Variants in TNFSF10 observed in about 807,000 individuals in gnomAD.
TNFSF10 encodes the protein tumor necrosis factor ligand superfamily member 10.
A neutral mutation model predicts 29.5 loss-of-function variants in TNFSF10; 13 were observed. That is an observed-to-expected ratio of 0.44 (90% confidence interval 0.29 to 0.70). The LOEUF is 0.70. TNFSF10 is among the 30% of genes least tolerant of loss of function. The probability of loss-of-function intolerance (pLI) is 0.13; values close to 1 mark genes in which losing one functional copy is unlikely to be tolerated. For missense variants in TNFSF10, 345 were observed against 330.9 expected (o/e 1.04, Z -0.33); for synonymous variants, 111 against 112.8 (o/e 0.98, Z 0.10).
rs56119116 is a variant in TNFSF10 at position 172,506,825 on chromosome 3, A to G, written c.513T>C (p.Asn171=). The part of the protein sequence containing the change: ...HSFLSNLHLR[N]GELVIHEKGF... ...CTTTTTCATGGATGACCAGTTCACC[A>G]TTCCTCAAGTGCAAGTTGCTCAGGA... The change falls in exon 5 of 5, where the codon AAT becomes AAC. Residue 171 remains asparagine, a synonymous_variant. Transcript: ENST00000241261. 8,621 of 1,614,204 alleles carry G rather than the reference A, an allele frequency of 5.3e-3. 44 individuals carry two copies. Among genetic ancestry groups the G allele is most frequent in the Non-Finnish European group, 6.6e-3 (7,818 of 1,180,036 alleles).
intron 1 of TNFSF10, among the ~76,000 whole-genome samples, chr3:172,520,251 G>T (rs888940024): frequency 2.6e-5 from 4 of 152,116 alleles, no homozygotes; most frequent in Admixed American, 6.5e-5. Flanking sequence ...TGTTTGTTTT[G>T]TCTGTCAAAG....
At chr3:172,518,500 C>A (rs755801728) in intron 1 of TNFSF10, 1 of 1,275,250 alleles carries the variant, frequency 7.8e-7, no homozygotes. Context: ...TATGGAGATC[C>A]GTGGAGAGGA....
At chr3:172,517,746 G>A (rs2108449210) in intron 1 of TNFSF10, 1 of 983,978 alleles carries the variant, frequency 1.0e-6, no homozygotes, top group Non-Finnish European at 1.2e-6. Context: ...TGGATAGCAT[G>A]GATATTTTTA....
At chr3:172,507,107 T>A (rs1259596330) in intron 4 of TNFSF10, among the ~76,000 whole-genome samples, 188 bp from the exon 5 acceptor site, 1 of 152,044 alleles carries the variant, frequency 6.6e-6, no homozygotes, top group Non-Finnish European at 1.5e-5. Flanking sequence ...AATTGGGAGG[T>A]TCCTGCATCA....
At chr3:172,521,473 G>C (rs1427124454) in intron 1 of TNFSF10, among the ~76,000 whole-genome samples, 1 of 152,194 alleles carries the variant, frequency 6.6e-6, no homozygotes, top group Non-Finnish European at 1.5e-5. Flanking sequence ...CTGGTCATTA[G>C]AGAAATGCAA....
intron 3 of TNFSF10, 43 bp from the exon 4 acceptor site, chr3:172,509,364 A>T (rs951393682): frequency 6.6e-7 from 1 of 1,517,778 alleles, no homozygotes; most frequent in Non-Finnish European, 9.1e-7. Flanking sequence ...TTGCCAAACT[A>T]GTTCTCCAAT....
At chr3:172,516,627 T>C (rs1481163424) in intron 1 of TNFSF10, among the ~76,000 whole-genome samples, 1 of 152,218 alleles carries the variant, frequency 6.6e-6, no homozygotes, top group East Asian at 1.9e-4. Flanking sequence ...CTCTTTTAAA[T>C]TACAAGAGAA....
intron 3 of TNFSF10, among the ~76,000 whole-genome samples, chr3:172,509,699 G>A (rs964177874): frequency 1.3e-5 from 2 of 152,130 alleles, no homozygotes; most frequent in African/African-American, 2.4e-5. Flanking sequence ...AAATAACTAC[G>A]TATTGGCAAA....
chr3:172,520,414 G>A (rs6777176), intron 1 of TNFSF10, among the ~76,000 whole-genome samples: 2,385 of 152,186 alleles, frequency 0.016, 60 homozygotes, highest in African/African-American at 0.053. Flanking sequence ...CAGAATGCCA[G>A]TCCTTTGTAT....
intron 1 of TNFSF10, among the ~76,000 whole-genome samples, chr3:172,516,229 A>C (rs1312918935): frequency 6.7e-6 from 1 of 149,240 alleles, no homozygotes; most frequent in Admixed American, 6.8e-5. Flanking sequence ...GTGCCATTGC[A>C]CTCTAGCCTG....
chr3:172,514,009 T>G (rs1257418896), intron 2 of TNFSF10, among the ~76,000 whole-genome samples: 5 of 152,140 alleles, frequency 3.3e-5, no homozygotes, highest in African/African-American at 4.8e-5. Context: ...TTGCTAATTT[T>G]TGTATTTTTA....
Position 172,505,732 on chromosome 3 carries a change from T to G in TNFSF10, c.*760A>C, listed in dbSNP as rs920729268. 2 of 150,890 alleles carry G rather than the reference T, an allele frequency of 1.3e-5. No homozygotes were observed. The highest frequency in any genetic ancestry group is 2.4e-5 in the African/African-American group (1 of 41,094). 9.3% of individuals were successfully genotyped at this position (150,890 alleles called of 1,614,324 possible). On this transcript the variant is annotated 3_prime_UTR_variant, in exon 5 of 5. Transcript: ENST00000241261. ...TAACACGTACTTACTGAAGTTTTTT[T>G]TTTTTTTTTTTTTGAAACCAAGTCT... is the stretch of plus-strand genomic sequence containing the variant.
chr3:172,517,869 C>G (rs1713501221), intron 1 of TNFSF10: 1 of 985,192 alleles, frequency 1.0e-6, no homozygotes, highest in African/African-American at 1.7e-5. Flanking sequence ...TCTTTCTAGA[C>G]CTTTTTATGC....
chr3:172,513,135 G>T (rs545445133), intron 2 of TNFSF10, among the ~76,000 whole-genome samples: 2 of 152,290 alleles, frequency 1.3e-5, no homozygotes, highest in African/African-American at 4.8e-5. Context: ...AGCAGGATGT[G>T]AGAATGGGAG....
chr3:172,520,939 A>G (rs1713665200), intron 1 of TNFSF10, among the ~76,000 whole-genome samples: 1 of 152,230 alleles, frequency 6.6e-6, no homozygotes, highest in South Asian at 2.1e-4. Flanking sequence ...CCTGACAAAA[A>G]CAAGCAATGG....
intron 1 of TNFSF10, 145 bp downstream of exon 1, chr3:172,523,108 T>G (rs1245628226): frequency 4.0e-6 from 4 of 1,001,450 alleles, no homozygotes; most frequent in African/African-American, 1.6e-5. Flanking sequence ...AGACCTCAGT[T>G]GTTATGTGAT....
chr3:172,511,767 A>G, intron 2 of TNFSF10, 108 bp from the exon 3 acceptor site: 1 of 903,724 alleles, frequency 1.1e-6, no homozygotes, highest in East Asian at 2.8e-5. Flanking sequence ...TTCTACATGC[A>G]TTATCAATCT....
chr3:172,509,946 T>G (rs1197315005), intron 3 of TNFSF10, among the ~76,000 whole-genome samples: 1 of 135,506 alleles, frequency 7.4e-6, no homozygotes. Flanking sequence ...ACCATTGCAC[T>G]CCAGCCTGGG....
Position 172,523,216 on chromosome 3 carries a change from A to G in TNFSF10, c.132+37T>C, listed in dbSNP as rs372567070. The G allele has an allele frequency of 1.8e-5, 28 of 1,542,066 alleles. No homozygotes were observed. In the African/African-American group the frequency reaches 3.5e-4, roughly 19 times the overall value. On this transcript the variant is annotated intron_variant, in intron 1 of 4. Transcript: ENST00000241261. ...GAAGCAGGTAACCAGACATTTGCTAAGCGCCTCGAAGACTGAGTGCACTGC... is the reference window on the plus strand; with the variant it reads ...GAAGCAGGTAACCAGACATTTGCTAGGCGCCTCGAAGACTGAGTGCACTGC...
Sources: allele counts gnomAD v4.1 joint callset (sites outside exome capture counted in the v4.1 genomes callset), GRCh38; gene constraint gnomAD v4.1.1; transcripts MANE v1.5; gene names NCBI Gene and HGNC (gene_info 2026-07-23, HGNC 2026-07-21).